The following FBXO33 variants were observed in gnomAD, a reference collection of about 807,000 sequenced individuals.
The protein encoded by FBXO33 is F-box protein 33, also known as F-box only protein 33.
In FBXO33, 22 loss-of-function variants were observed where a neutral mutation model predicts 46.3. That is an observed-to-expected ratio of 0.48 (90% CI 0.34 to 0.68). FBXO33 has a LOEUF of 0.68. Among genes scored for constraint, FBXO33 ranks in the 30% least tolerant of loss-of-function variants. The pLI, the probability that FBXO33 is intolerant of heterozygous loss-of-function variation, is 0.01. For missense variants in FBXO33, 692 were observed against 708.8 expected (o/e 0.98, Z 0.27); for synonymous variants, 337 against 291.3 (o/e 1.16, Z -1.60).
Position 39,432,271 on chromosome 14 carries a change from C to G in FBXO33, c.-109G>C. 3 of 940,626 alleles carry G rather than the reference C, an allele frequency of 3.2e-6. No homozygotes were observed. Among genetic ancestry groups the G allele is most frequent in the Non-Finnish European group, 4.0e-6 (3 of 741,904 alleles). 58.3% of individuals were successfully genotyped at this position (940,626 alleles called of 1,614,324 possible). A position where few individuals can be genotyped will look rare whatever the true frequency, so the allele number is the denominator to read the frequency against. ...CTCTGCGGGCGTGGCCTGCCGGGAG[C>G]CAGCCTCTGTCTTCTCAAACTCTAC... On this transcript the variant is annotated 5_prime_UTR_variant, in exon 1 of 4. Transcript: ENST00000298097.
Position 39,432,146 on chromosome 14 carries a change from G to GA in FBXO33, c.16dup (p.Ser6PhefsTer95). 1.7e-5 allele frequency: 21 copies of GA among 1,237,710 alleles called. No individual in the cohort carries two copies. Among genetic ancestry groups the GA allele is most frequent in the Non-Finnish European group, 1.8e-5 (18 of 990,918 alleles). 76.7% of individuals were successfully genotyped at this position (1,237,710 alleles called of 1,614,324 possible). The stretch of plus-strand genomic sequence containing the variant: ...TCCCGGCGGTCGGGGCTGCGGCACT[G>GA]ACAAGAACAACAACATCAATGACTA... On this transcript the variant is annotated frameshift_variant, in exon 1 of 4. Transcript: ENST00000298097. LOFTEE classifies it high-confidence loss of function.
rs946789412 is a variant in FBXO33, at chr14:39,410,774, A to T, written c.600-8263T>A. On this transcript the variant is annotated intron_variant, in intron 1 of 3. Coordinates refer to ENST00000298097, the MANE Select transcript of FBXO33 (RefSeq NM_203301.4). The stretch of plus-strand genomic sequence containing the variant: ...GTTTTGGAAGGTTTATGTTTCTATG[A>T]ATTTATTTATTCTTCTAGATTATTC... Among the ~76,000 whole-genome samples, 16 of 152,134 alleles carry T rather than the reference A, an allele frequency of 1.1e-4. No individual in the cohort carries two copies. The South Asian group carries it at 3.3e-3, about 32-fold the overall frequency.
chr14:39,402,853 TTTTG>T (rs1414278816), intron 1 of FBXO33, among the ~76,000 whole-genome samples: 2 of 152,100 alleles, frequency 1.3e-5, no homozygotes, highest in Non-Finnish European at 2.9e-5. Context: ...CGGCTAATTT[TTTTG>T]TATTTTTAGT....
chr14:39,420,371 G>T lies in FBXO33; in HGVS notation c.599+11193C>A, dbSNP rs191431827. ...TAAAGGTAAAATGGCAATGATATCT[G>T]GGAATTGCTTTAAAATACTTCAGTG... On this transcript the variant is annotated intron_variant, in intron 1 of 3. Coordinates refer to ENST00000298097, the MANE Select transcript of FBXO33 (RefSeq NM_203301.4). Among the ~76,000 whole-genome samples the T allele has an allele frequency of 3.2e-3, 488 of 152,298 alleles. 1 individual carries two copies. The highest frequency in any genetic ancestry group is 4.9e-3 in the Non-Finnish European group (335 of 68,036).
chr14:39,424,233 G>T (rs867431124), intron 1 of FBXO33, among the ~76,000 whole-genome samples: 1 of 152,184 alleles, frequency 6.6e-6, no homozygotes, highest in Admixed American at 6.5e-5. Context: ...CACTTCAGTA[G>T]TTGAGACCCT....
Position 39,431,953 on chromosome 14 carries a change from C to A in FBXO33, c.210G>T (p.Ser70=), listed in dbSNP as rs61999077. The A allele has an allele frequency of 0.086, 130,825 of 1,529,530 alleles. 6,363 individuals carry two copies. The highest frequency in any genetic ancestry group is 0.18 in the South Asian group (15,282 of 83,704). The allele number at this position is 1,529,530 out of a possible 1,614,324, so 94.7% of individuals were successfully genotyped here. A position where few individuals can be genotyped will look rare whatever the true frequency, so the allele number is the denominator to read the frequency against. ...ALCGQAAGAA[S]LPSELIVHIF... is the part of the protein sequence containing the mutation. Reference sequence around the variant, plus strand: ...TGTGCACGATCAGCTCGCTGGGCAGCGACGCAGCGCCCGCCGCCTGCCCGC... The same window carrying A: ...TGTGCACGATCAGCTCGCTGGGCAGAGACGCAGCGCCCGCCGCCTGCCCGC... The change falls in exon 1 of 4, where the codon TCG becomes TCT. Residue 70 remains serine, a synonymous_variant. Transcript: ENST00000298097.
intron 1 of FBXO33, among the ~76,000 whole-genome samples, chr14:39,410,069 A>C (rs2075415724): frequency 6.6e-6 from 1 of 152,170 alleles, no homozygotes. Context: ...ACTTTGTTGA[A>C]TAGAAGTGGC....
rs543588762 is a variant in FBXO33, at chr14:39,422,877, A to G, written c.599+8687T>C. Among the ~76,000 whole-genome samples the G allele has an allele frequency of 2.6e-5, 4 of 152,350 alleles. No homozygotes were observed. In the East Asian group the frequency reaches 5.8e-4, roughly 22 times the overall value. On this transcript the variant is annotated intron_variant, in intron 1 of 3. Transcript: ENST00000298097. The stretch of plus-strand genomic sequence containing the variant: ...AGTGGCTCATGCCTGTAATCCTAGC[A>G]CTTTGGGAAGCCAAGGCGGGTGGAC...
At chr14:39,417,593 C>A (rs558242239) in intron 1 of FBXO33, among the ~76,000 whole-genome samples, 1 of 151,814 alleles carries the variant, frequency 6.6e-6, no homozygotes, top group Non-Finnish European at 1.5e-5. Flanking sequence ...TGCAATGGCA[C>A]GATCTTGGCT....
intron 1 of FBXO33, among the ~76,000 whole-genome samples, chr14:39,404,527 C>A (rs572038189): frequency 6.6e-6 from 1 of 151,966 alleles, no homozygotes; most frequent in Non-Finnish European, 1.5e-5. Context: ...GGGGTTTCAC[C>A]GTGTTAGCCA....
chr14:39,404,315 A>G (rs1013163585), intron 1 of FBXO33, among the ~76,000 whole-genome samples: 3 of 151,960 alleles, frequency 2.0e-5, no homozygotes, highest in South Asian at 2.1e-4. Context: ...CCCTAAATTG[A>G]TTTAAATGGA....
Position 39,431,917 on chromosome 14 carries a change from A to G in FBXO33, c.246T>C (p.Phe82=), listed in dbSNP as rs980313242. ...PSELIVHIFS[F]LPAPDRLRAS... is the part of the protein sequence containing the mutation. ...CCCGCAGCCGGTCGGGCGCCGGCAGAAAAGAGAAGATGTGCACGATCAGCT... is the reference window on the plus strand; with the variant it reads ...CCCGCAGCCGGTCGGGCGCCGGCAGGAAAGAGAAGATGTGCACGATCAGCT... The change falls in exon 1 of 4, where the codon TTT becomes TTC. Residue 82 remains phenylalanine (F), a synonymous_variant. Transcript: ENST00000298097. 1 of 1,539,546 alleles carries G rather than the reference A, an allele frequency of 6.5e-7. No homozygotes were observed. Among genetic ancestry groups the G allele is most frequent in the African/African-American group, 1.4e-5 (1 of 73,258 alleles).
chr14:39,409,377 A>G (rs559122215), intron 1 of FBXO33, among the ~76,000 whole-genome samples: 9 of 152,168 alleles, frequency 5.9e-5, no homozygotes, highest in Non-Finnish European at 1.3e-4. Context: ...GGTACCAAAG[A>G]TCAGTTAATC....
intron 1 of FBXO33, among the ~76,000 whole-genome samples, chr14:39,416,242 A>G (rs1301194876): frequency 6.7e-6 from 1 of 148,348 alleles, no homozygotes; most frequent in Non-Finnish European, 1.5e-5. Context: ...TGGGTACACT[A>G]TTCTTGGTTG....
At position 39,414,530 on chromosome 14, in the gene FBXO33, A is replaced by G. The variant is rs371627783; in HGVS notation, c.600-12019T>C. On this transcript the variant is annotated intron_variant, in intron 1 of 3. Transcript: ENST00000298097. The stretch of plus-strand genomic sequence containing the variant: ...GTACAAGAGGCCTAGTTTCTGGTCT[A>G]TCTGGGCTCTTGAAGTGCCTTCCTT... Among the ~76,000 whole-genome samples, 49 of 152,356 alleles carry G rather than the reference A, an allele frequency of 3.2e-4. 1 individual carries two copies. The highest frequency in any genetic ancestry group is 6.8e-3 in the Middle Eastern group (2 of 294).
At position 39,398,261 on chromosome 14, in the gene FBXO33, A is replaced by G. The variant is rs2075352101; in HGVS notation, c.*1255T>C. ...CTGGGGTCAGGTGGAAGTCTCACAG[A>G]GACCACGTCTGTACCGCGGTTGCCC... On this transcript the variant is annotated 3_prime_UTR_variant, in exon 4 of 4. Transcript: ENST00000298097. 6.6e-6 allele frequency: 1 copy of G among 152,654 alleles called. No homozygotes were observed. The highest frequency in any genetic ancestry group is 1.5e-5 in the Non-Finnish European group (1 of 68,036). 9.5% of individuals were successfully genotyped at this position (152,654 alleles called of 1,614,324 possible).
intron 1 of FBXO33, among the ~76,000 whole-genome samples, chr14:39,404,150 G>A (rs371991834): frequency 3.3e-5 from 5 of 152,078 alleles, no homozygotes; most frequent in East Asian, 1.9e-4. Flanking sequence ...TCATTAATTC[G>A]TTTATTCATT....
At chr14:39,415,601 G>A (rs2075444319) in intron 1 of FBXO33, among the ~76,000 whole-genome samples, 1 of 152,122 alleles carries the variant, frequency 6.6e-6, no homozygotes, top group African/African-American at 2.4e-5. Flanking sequence ...TGCTACTGAT[G>A]TTCTAATTTA....
At chr14:39,420,469 T>A (rs2075476859) in intron 1 of FBXO33, among the ~76,000 whole-genome samples, 1 of 152,112 alleles carries the variant, frequency 6.6e-6, no homozygotes, top group African/African-American at 2.4e-5. Context: ...GGCGGGCGGA[T>A]CACGAGGTCA....
Sources: allele counts gnomAD v4.1 joint callset (sites outside exome capture counted in the v4.1 genomes callset), GRCh38; gene constraint gnomAD v4.1.1; transcripts MANE v1.5; gene names NCBI Gene and HGNC (gene_info 2026-07-23, HGNC 2026-07-21).